The following ZBTB10 variants were observed in gnomAD, a reference collection of about 807,000 sequenced individuals.
ZBTB10 encodes the protein zinc finger and BTB domain-containing protein 10.
Under a neutral mutation model 76.4 loss-of-function variants are expected in ZBTB10, and 32 were observed. The ratio of observed to expected loss-of-function variants is 0.42; its 90% CI spans 0.32 to 0.56. ZBTB10 has a LOEUF of 0.56. Among genes scored for constraint, ZBTB10 ranks in the 20% least tolerant of loss-of-function variants. The pLI, the probability that ZBTB10 is intolerant of heterozygous loss-of-function variation, is 0.14. For missense variants in ZBTB10, 1,057 were observed against 1,098.5 expected (o/e 0.96, Z 0.53); for synonymous variants, 523 against 432.9 (o/e 1.21, Z -2.58).
chr8:80,518,321 T>G (rs1483730550), intron 3 of ZBTB10, 82 bp from the exon 4 acceptor site: 1 of 1,303,158 alleles, frequency 7.7e-7, no homozygotes, highest in African/African-American at 1.5e-5. Flanking sequence ...CTGTAGGATA[T>G]AAATATAATT....
chr8:80,495,137 T>TCTC (rs1815750000), intron 1 of ZBTB10, among the ~76,000 whole-genome samples: 2 of 142,762 alleles, frequency 1.4e-5, no homozygotes, highest in African/African-American at 5.2e-5. Flanking sequence ...CTCTCTCTCT[T>TCTC]TTTTTTTTTT....
At position 80,487,249 on chromosome 8, in the gene ZBTB10, G is replaced by C; in HGVS notation, c.439G>C (p.Val147Leu). 6.4e-7 allele frequency: 1 copy of C among 1,551,168 alleles called. No individual in the cohort carries two copies. Among genetic ancestry groups the C allele is most frequent in the Non-Finnish European group, 8.7e-7 (1 of 1,149,880 alleles). The change falls in exon 1 of 6, where the codon GTG becomes CTG. Residue 147 changes from valine to leucine, a missense_variant. Physicochemically the swap from Val to Leu is conservative, Grantham distance 32 (BLOSUM62 1). Transcript: ENST00000455036. ...TAGCCGCGGCCGCCCCGAGACCTCG[G>C]TGTGGCCCTTGAGGCATTTCAATGG... ...GSSRGRPETS[V>L]WPLRHFNGRG... is the part of the protein sequence containing the mutation.
chr8:80,495,713 C>A (rs1364208646), intron 1 of ZBTB10, among the ~76,000 whole-genome samples: 2 of 152,094 alleles, frequency 1.3e-5, no homozygotes, highest in African/African-American at 2.4e-5. Context: ...TAGGACTTTT[C>A]AAGCATTTTC....
In ZBTB10 at chr8:80,522,745, AATAG is replaced by A. The variant is rs1280345308; in HGVS notation, c.*3221_*3224del. 2.6e-5 allele frequency: 4 copies of A among 151,980 alleles called. No individual in the cohort carries two copies. Among genetic ancestry groups the A allele is most frequent in the African/African-American group, 9.6e-5 (4 of 41,522 alleles). The allele number at this position is 151,980 out of a possible 1,614,324, so 9.4% of individuals were successfully genotyped here. On this transcript the variant is annotated 3_prime_UTR_variant, in exon 6 of 6. Transcript: ENST00000455036. ...ATAACACATCTTAAAGTTGTTTAAT[AATAG>A]ATAAGAACCAAGAGGAAAAAGAAAT...
At chr8:80,488,757 T>C (rs1295433107) in intron 1 of ZBTB10, among the ~76,000 whole-genome samples, 1 of 152,262 alleles carries the variant, frequency 6.6e-6, no homozygotes, top group Non-Finnish European at 1.5e-5. Context: ...TTTTTGACTT[T>C]AAGGCAACCT....
chr8:80,493,152 C>G (rs535684214), intron 1 of ZBTB10, among the ~76,000 whole-genome samples: 55 of 151,296 alleles, frequency 3.6e-4, no homozygotes, highest in African/African-American at 1.3e-3. Context: ...AGGCACCCCA[C>G]TGCACTCCAA....
chr8:80,499,312 T>C (rs945812904), intron 1 of ZBTB10, among the ~76,000 whole-genome samples, 182 bp from the exon 2 acceptor site: 6 of 152,218 alleles, frequency 3.9e-5, no homozygotes, highest in Non-Finnish European at 7.3e-5. Flanking sequence ...ATGTGTTTGA[T>C]TTTTTTCTTT....
chr8:80,488,173 A>G (rs1342491944), intron 1 of ZBTB10, among the ~76,000 whole-genome samples: 1 of 152,244 alleles, frequency 6.6e-6, no homozygotes, highest in Non-Finnish European at 1.5e-5. Context: ...ACAGACGTTT[A>G]GTGTGCTGGT....
Position 80,518,305 on chromosome 8 carries a change from T to C in ZBTB10, c.1961-98T>C, listed in dbSNP as rs532254851. On this transcript the variant is annotated intron_variant, in intron 3 of 5. Coordinates refer to ENST00000455036, the MANE Select transcript of ZBTB10 (RefSeq NM_001105539.3). ...TAACTCATACTATGAAATTCTATCA[T>C]AATGCCTGTAGGATATAAATATAAT... is the stretch of plus-strand genomic sequence containing the variant. 2.1e-5 allele frequency: 24 copies of C among 1,147,692 alleles called. No homozygotes were observed. The South Asian group carries it at 4.2e-4, about 20-fold the overall frequency. The allele number at this position is 1,147,692 out of a possible 1,614,324, so 71.1% of individuals were successfully genotyped here.
chr8:80,506,965 G>T (rs925046636), intron 2 of ZBTB10, among the ~76,000 whole-genome samples: 1 of 152,076 alleles, frequency 6.6e-6, no homozygotes, highest in Admixed American at 6.5e-5. Context: ...GGGTGCTGAA[G>T]GCCAGATGCT....
Position 80,487,081 on chromosome 8 carries a change from G to T in ZBTB10, c.271G>T (p.Ala91Ser). 1 of 1,518,978 alleles carries T rather than the reference G, an allele frequency of 6.6e-7. No homozygotes were observed. Among genetic ancestry groups the T allele is most frequent in the Non-Finnish European group, 8.8e-7 (1 of 1,139,710 alleles). The allele number at this position is 1,518,978 out of a possible 1,614,324, so 94.1% of individuals were successfully genotyped here. A position where few individuals can be genotyped will look rare whatever the true frequency, so the allele number is the denominator to read the frequency against. The stretch of plus-strand genomic sequence containing the variant: ...GCCGGCCGCCGGCGCCGCCGAGGAA[G>T]CCAAGGAGTTGCTGCTCCCCCAAGA... ...AGPAAGAAEE[A>S]KELLLPQDAG... The change falls in exon 1 of 6, where the codon GCC becomes TCC. Residue 91 changes from alanine to serine, a missense_variant. Physicochemically the swap from Ala to Ser is moderately conservative, Grantham distance 99 (BLOSUM62 1). Transcript: ENST00000455036.
In ZBTB10 at chr8:80,523,751, A is replaced by C. The variant is rs1816496125; in HGVS notation, c.*4223A>C. The C allele has an allele frequency of 6.6e-6, 1 of 151,948 alleles. No individual in the cohort carries two copies. Among genetic ancestry groups the C allele is most frequent in the Admixed American group, 6.6e-5 (1 of 15,236 alleles). The allele number at this position is 151,948 out of a possible 1,614,324, so 9.4% of individuals were successfully genotyped here. On this transcript the variant is annotated 3_prime_UTR_variant, in exon 6 of 6. Transcript: ENST00000455036. ...TAAATTTTATGACATTGGGTACTTA[A>C]ATTTGGAGTACACTAGCTATTGAGA...
chr8:80,501,772 G>A (rs1815931629), intron 2 of ZBTB10, among the ~76,000 whole-genome samples: 1 of 152,092 alleles, frequency 6.6e-6, no homozygotes, highest in Non-Finnish European at 1.5e-5. Flanking sequence ...TTTATATCAA[G>A]TTTTAACAAT....
chr8:80,486,896 A>C lies in ZBTB10; in HGVS notation c.86A>C (p.Asn29Thr), dbSNP rs1031094591. Residue 29 changes from asparagine (N) to threonine (T), a missense_variant, in exon 1 of 6, where the codon AAT becomes ACT. Asn to Thr is a moderately conservative substitution (Grantham distance 65). Coordinates refer to ENST00000455036, the MANE Select transcript of ZBTB10 (RefSeq NM_001105539.3). ...VTASGGGSTN[N>T]NAGGEASAWP... ...GCTAGCGGCGGCGGCTCCACGAACA[A>C]TAACGCTGGCGGGGAGGCCTCAGCT... The C allele has an allele frequency of 4.0e-6, 6 of 1,515,166 alleles. No homozygotes were observed. In the Admixed American group the frequency reaches 1.2e-4, roughly 32 times the overall value. 93.9% of individuals were successfully genotyped at this position (1,515,166 alleles called of 1,614,324 possible). A position where few individuals can be genotyped will look rare whatever the true frequency, so the allele number is the denominator to read the frequency against.
chr8:80,500,600 A>G (rs1815898747), intron 2 of ZBTB10, among the ~76,000 whole-genome samples: 1 of 152,186 alleles, frequency 6.6e-6, no homozygotes, highest in South Asian at 2.1e-4. Flanking sequence ...AAGATGTATT[A>G]ATAGCCAGGT....
intron 2 of ZBTB10, among the ~76,000 whole-genome samples, chr8:80,501,684 G>C (rs1200500550): frequency 6.6e-6 from 1 of 152,158 alleles, no homozygotes; most frequent in African/African-American, 2.4e-5. Context: ...GTATGTGTGT[G>C]TGTGTGTGTG....
intron 1 of ZBTB10, among the ~76,000 whole-genome samples, chr8:80,489,719 A>C (rs2131470803): frequency 6.6e-6 from 1 of 152,150 alleles, no homozygotes; most frequent in East Asian, 1.9e-4. Flanking sequence ...TCTCTTCCTC[A>C]TCACTCCTTT....
At chr8:80,492,422 G>T (rs1357514216) in intron 1 of ZBTB10, among the ~76,000 whole-genome samples, 1 of 152,052 alleles carries the variant, frequency 6.6e-6, no homozygotes, top group East Asian at 1.9e-4. Context: ...AGGAGAGACA[G>T]ACATGACCGA....
chr8:80,490,573 T>G (rs976335412), intron 1 of ZBTB10, among the ~76,000 whole-genome samples: 1 of 152,166 alleles, frequency 6.6e-6, no homozygotes, highest in Admixed American at 6.5e-5. Flanking sequence ...CAGTTCTCCT[T>G]TTTATACCTT....
Sources: allele counts gnomAD v4.1 joint callset (sites outside exome capture counted in the v4.1 genomes callset), GRCh38; gene constraint gnomAD v4.1.1; transcripts MANE v1.5; gene names NCBI Gene and HGNC (gene_info 2026-07-23, HGNC 2026-07-21).